CNTN4: variants seen among roughly 807,000 people sequenced by gnomAD.
CNTN4 encodes contactin 4, also known as contactin-4.
CNTN4 carries 77 observed loss-of-function variants against 122.5 expected under a neutral mutation model. The ratio of observed to expected loss-of-function variants is 0.63; its 90% confidence interval spans 0.52 to 0.76. CNTN4 has a LOEUF of 0.76. CNTN4 is among the 30% of genes least tolerant of loss of function. The pLI is 0.00. For synonymous variants in CNTN4, 512 were observed against 447.0 expected, an observed-to-expected ratio of 1.15 and a Z score of -1.83; for missense variants, 1,256 against 1,259.1, an observed-to-expected ratio of 1.00 and a Z score of 0.04.
chr3:2,599,148 C>A (rs1191134986), intron 4 of CNTN4, among the ~76,000 whole-genome samples: 3 of 152,094 alleles, frequency 2.0e-5, no homozygotes, highest in Non-Finnish European at 2.9e-5. Context: ...TAGCGTGTAT[C>A]CACATGTAGG....
intron 4 of CNTN4, among the ~76,000 whole-genome samples, chr3:2,694,527 C>T (rs1056026255): frequency 1.3e-5 from 2 of 152,014 alleles, no homozygotes; most frequent in African/African-American, 2.4e-5. Context: ...GTCAGGAGTT[C>T]GAGATCAGCC....
chr3:2,419,720 A>AG (rs1196148499), intron 3 of CNTN4, among the ~76,000 whole-genome samples: 1 of 152,234 alleles, frequency 6.6e-6, no homozygotes, highest in Non-Finnish European at 1.5e-5. Context: ...GAATATGTTA[A>AG]GGAAACCTGT....
intron 7 of CNTN4, among the ~76,000 whole-genome samples, chr3:2,860,955 T>C (rs1315391154): frequency 1.3e-5 from 2 of 152,206 alleles, no homozygotes; most frequent in East Asian, 3.8e-4. Context: ...AGGGAAATTT[T>C]TGGGTTGCTC....
At chr3:2,770,404 C>G (rs1334851952) in intron 6 of CNTN4, among the ~76,000 whole-genome samples, 1 of 152,228 alleles carries the variant, frequency 6.6e-6, no homozygotes, top group African/African-American at 2.4e-5. Flanking sequence ...GCAGTATTGC[C>G]TTTTGCACAC....
chr3:2,608,978 C>T (rs916448209), intron 4 of CNTN4, among the ~76,000 whole-genome samples: 1 of 152,188 alleles, frequency 6.6e-6, no homozygotes, highest in East Asian at 1.9e-4. Flanking sequence ...CTTTCATCTT[C>T]TCTGGAGAAA....
chr3:2,264,150 C>T (rs1166773110), intron 2 of CNTN4, among the ~76,000 whole-genome samples: 2 of 152,138 alleles, frequency 1.3e-5, no homozygotes, highest in East Asian at 3.8e-4. Context: ...ATTGCTGGAT[C>T]ATATGGTAAT....
chr3:2,629,550 T>G (rs1440798816), intron 4 of CNTN4: 6 of 453,542 alleles, frequency 1.3e-5, no homozygotes, highest in African/African-American at 8.0e-5. Flanking sequence ...TTCTGGTCCT[T>G]GCTGGGGGTG....
chr3:2,561,763 C>T (rs35826676), intron 3 of CNTN4, among the ~76,000 whole-genome samples: 15,742 of 152,208 alleles, frequency 0.1, 1,034 homozygotes, highest in Middle Eastern at 0.16. Context: ...GGATTTAAAC[C>T]TGGCTTGTGT....
chr3:2,688,124 A>C (rs1482819909), intron 4 of CNTN4, among the ~76,000 whole-genome samples: 5 of 152,244 alleles, frequency 3.3e-5, no homozygotes, highest in Non-Finnish European at 5.9e-5. Flanking sequence ...AACTTATTAA[A>C]ATATGAAAAT....
intron 2 of CNTN4, among the ~76,000 whole-genome samples, chr3:2,310,461 G>C (rs1048277324): frequency 6.6e-6 from 1 of 152,126 alleles, no homozygotes; most frequent in Admixed American, 6.6e-5. Flanking sequence ...ATCCCTAAAA[G>C]TGATGTCCTC....
intron 6 of CNTN4, among the ~76,000 whole-genome samples, chr3:2,791,396 G>A (rs2092005489): frequency 6.6e-6 from 1 of 152,000 alleles, no homozygotes; most frequent in East Asian, 1.9e-4. Context: ...AGCTGAGCAT[G>A]GTGGCGTGTA....
intron 2 of CNTN4, among the ~76,000 whole-genome samples, chr3:2,238,094 C>G (rs1202283910): frequency 1.3e-5 from 2 of 151,890 alleles, no homozygotes; most frequent in African/African-American, 4.8e-5. Flanking sequence ...AGGTTTATTC[C>G]TCATTGTAAA....
chr3:2,331,373 G>T (rs547892834), intron 2 of CNTN4, among the ~76,000 whole-genome samples: 1 of 152,246 alleles, frequency 6.6e-6, no homozygotes, highest in Admixed American at 6.5e-5. Flanking sequence ...CTCAGAGTAG[G>T]TGTCTATATT....
intron 6 of CNTN4, among the ~76,000 whole-genome samples, chr3:2,795,012 G>A (rs1008936734): frequency 4.6e-5 from 7 of 151,944 alleles, no homozygotes; most frequent in African/African-American, 9.7e-5. Context: ...TGAGGGGTGG[G>A]GTGGGGACAA....
chr3:2,411,848 A>G (rs2047236602), intron 3 of CNTN4, among the ~76,000 whole-genome samples: 1 of 152,174 alleles, frequency 6.6e-6, no homozygotes, highest in South Asian at 2.1e-4. Context: ...AGTATACATA[A>G]TGTAAAAAAC....
intron 3 of CNTN4, among the ~76,000 whole-genome samples, chr3:2,434,794 C>G (rs549641468): frequency 1.3e-4 from 20 of 152,232 alleles, no homozygotes; most frequent in African/African-American, 4.3e-4. Flanking sequence ...TCCACGAAGG[C>G]AATATTGAAT....
chr3:2,705,759 T>C (rs1331982611), intron 4 of CNTN4, among the ~76,000 whole-genome samples: 1 of 103,168 alleles, frequency 9.7e-6, no homozygotes, highest in Non-Finnish European at 1.7e-5. Flanking sequence ...ATATAATATA[T>C]AATATATATT....
At chr3:2,232,479 C>G (rs1043619745) in intron 2 of CNTN4, among the ~76,000 whole-genome samples, 2 of 152,092 alleles carry the variant, frequency 1.3e-5, no homozygotes, top group African/African-American at 2.4e-5. Context: ...TTTTAATACT[C>G]TTTACATGCC....
chr3:2,325,543 C>A (rs1348178654), intron 2 of CNTN4, among the ~76,000 whole-genome samples: 1 of 152,136 alleles, frequency 6.6e-6, no homozygotes, highest in Admixed American at 6.5e-5. Flanking sequence ...GCTTTTAGAA[C>A]TCCAACATTT....
Sources: gnomAD v4.1 joint callset for allele counts (sites outside exome capture counted in the v4.1 genomes callset) on GRCh38, gnomAD v4.1.1 for gene constraint, MANE v1.5 for transcripts, NCBI Gene and HGNC (gene_info 2026-07-23, HGNC 2026-07-21) for gene names.